FARP1: variants seen among roughly 807,000 people sequenced by gnomAD.
The protein encoded by FARP1 is FERM, ARH/RhoGEF and pleckstrin domain protein 1.
In FARP1, 52 loss-of-function variants were observed where a neutral mutation model predicts 128.8. That is an observed-to-expected ratio of 0.40 (90% CI 0.32 to 0.51). The LOEUF is 0.51. Ranked by LOEUF, FARP1 falls within the 20% of genes least tolerant of loss-of-function variation. The pLI, the probability that FARP1 is intolerant of heterozygous loss-of-function variation, is 0.45. For missense variants in FARP1, 1,333 were observed against 1,367.9 expected (o/e 0.97, Z 0.40); for synonymous variants, 580 against 551.8 (o/e 1.05, Z -0.72).
At chr13:98,430,490 C>G (rs1891968995) in intron 17 of FARP1, among the ~76,000 whole-genome samples, 2 of 152,226 alleles carry the variant, frequency 1.3e-5, no homozygotes, top group African/African-American at 4.8e-5. Context: ...TACTCTGTCC[C>G]CATCCCCACC....
intron 2 of FARP1, among the ~76,000 whole-genome samples, chr13:98,273,944 A>G (rs998562797): frequency 6.6e-6 from 1 of 152,192 alleles, no homozygotes; most frequent in Non-Finnish European, 1.5e-5. Flanking sequence ...AGACTTAGCC[A>G]CTTATAATCA....
chr13:98,412,227 T>C (rs1891219605), intron 16 of FARP1, among the ~76,000 whole-genome samples, 193 bp downstream of exon 16: 1 of 152,214 alleles, frequency 6.6e-6, no homozygotes, highest in African/African-American at 2.4e-5. Flanking sequence ...TTCTTTCCTC[T>C]GGTTTGCAGT....
At chr13:98,252,300 T>G (rs1883373758) in intron 2 of FARP1, among the ~76,000 whole-genome samples, 1 of 152,236 alleles carries the variant, frequency 6.6e-6, no homozygotes, top group South Asian at 2.1e-4. Flanking sequence ...GTGAGACTCA[T>G]AAGACTAAAA....
intron 1 of FARP1, among the ~76,000 whole-genome samples, chr13:98,185,571 C>G (rs191901414): frequency 6.6e-6 from 1 of 151,976 alleles, no homozygotes; most frequent in African/African-American, 2.4e-5. Context: ...TTTCTTGATA[C>G]CATTCCTGGG....
At chr13:98,354,143 C>G (rs771889736) in intron 3 of FARP1, among the ~76,000 whole-genome samples, 1 of 152,210 alleles carries the variant, frequency 6.6e-6, no homozygotes, top group Non-Finnish European at 1.5e-5. Flanking sequence ...TCACATATAT[C>G]TCTAATACCA....
intron 2 of FARP1, among the ~76,000 whole-genome samples, chr13:98,226,709 A>G (rs1486399702): frequency 6.6e-6 from 1 of 152,170 alleles, no homozygotes; most frequent in Non-Finnish European, 1.5e-5. Flanking sequence ...AATCACATGT[A>G]TGTGTACTTG....
At chr13:98,297,324 C>G (rs557651982) in intron 2 of FARP1, among the ~76,000 whole-genome samples, 1 of 152,332 alleles carries the variant, frequency 6.6e-6, no homozygotes, top group East Asian at 1.9e-4. Flanking sequence ...TGTGGACTTA[C>G]CTCTCTCGAA....
chr13:98,309,010 T>G (rs1886318660), intron 2 of FARP1, among the ~76,000 whole-genome samples: 4 of 151,812 alleles, frequency 2.6e-5, no homozygotes, highest in South Asian at 4.2e-4. Flanking sequence ...TATAAAATAT[T>G]AGACATAATA....
rs1257858230 is a variant in FARP1 at position 98,276,911 on chromosome 13, A to G, written c.171+63498A>G. ...GGAAGGTAAAAAGGGGAAGACCACA[A>G]TAGCTGTTCATATACAGGATTATTT... On this transcript the variant is annotated intron_variant, in intron 2 of 26. Coordinates refer to ENST00000319562, the MANE Select transcript of FARP1 (RefSeq NM_005766.4). 4.0e-5 allele frequency among the ~76,000 whole-genome samples: 6 copies of G among 151,094 alleles called. 1 individual carries two copies. The highest frequency in any genetic ancestry group is 2.1e-4 in the South Asian group (1 of 4,830).
chr13:98,352,638 G>A (rs1462088337), intron 3 of FARP1, among the ~76,000 whole-genome samples: 1 of 152,196 alleles, frequency 6.6e-6, no homozygotes. Context: ...ACATAAAAAT[G>A]AGTAACAAAA....
At chr13:98,437,671 T>C in intron 19 of FARP1, 2 of 675,420 alleles carry the variant, frequency 3.0e-6, no homozygotes, top group Non-Finnish European at 5.3e-6. Flanking sequence ...GATGGTGAGT[T>C]ATCTGTGCAG....
chr13:98,201,146 G>A (rs1879916553), intron 1 of FARP1, among the ~76,000 whole-genome samples: 1 of 152,208 alleles, frequency 6.6e-6, no homozygotes, highest in South Asian at 2.1e-4. Flanking sequence ...TGTTTTAGCA[G>A]GAAGAAACAG....
chr13:98,233,441 A>G (rs1051679297), intron 2 of FARP1, among the ~76,000 whole-genome samples: 1 of 152,160 alleles, frequency 6.6e-6, no homozygotes, highest in African/African-American at 2.4e-5. Flanking sequence ...TAGAAGTTAC[A>G]GGAGAGGGGA....
At chr13:98,399,265 A>G (rs751209547) in intron 13 of FARP1, 5 of 152,224 alleles carry the variant, frequency 3.3e-5, no homozygotes, top group Admixed American at 6.5e-5. Flanking sequence ...ATTCTATAAC[A>G]TTGGCCAAAG....
intron 13 of FARP1, chr13:98,396,498 A>G (rs1319796689): frequency 7.5e-6 from 3 of 398,542 alleles, no homozygotes; most frequent in Non-Finnish European, 1.3e-5. Context: ...TGAGGAGGCC[A>G]GGAGCCAAGT....
At chr13:98,447,857 AAAAG>A (rs1199892514) in intron 26 of FARP1, 5 of 212,790 alleles carry the variant, frequency 2.3e-5, no homozygotes, top group Non-Finnish European at 2.8e-5. Context: ...AAAAAAAAGA[AAAAG>A]AAAAAAGGAA....
At chr13:98,179,385 C>A (rs1878341640) in intron 1 of FARP1, among the ~76,000 whole-genome samples, 1 of 152,202 alleles carries the variant, frequency 6.6e-6, no homozygotes, top group South Asian at 2.1e-4. Context: ...AGCTACCATT[C>A]AAGATTTGGG....
At chr13:98,264,945 G>A (rs1039840891) in intron 2 of FARP1, among the ~76,000 whole-genome samples, 3 of 152,128 alleles carry the variant, frequency 2.0e-5, no homozygotes, top group Admixed American at 6.5e-5. Context: ...CCTCTGACAT[G>A]GTTACCGAAC....
chr13:98,152,188 C>A (rs544691659), intron 1 of FARP1, among the ~76,000 whole-genome samples: 1 of 152,144 alleles, frequency 6.6e-6, no homozygotes, highest in Non-Finnish European at 1.5e-5. Flanking sequence ...TGCTGCCCCT[C>A]GGCATGTTGA....
Sources: allele counts gnomAD v4.1 joint callset (sites outside exome capture counted in the v4.1 genomes callset), GRCh38; gene constraint gnomAD v4.1.1; transcripts MANE v1.5; gene names NCBI Gene and HGNC (gene_info 2026-07-23, HGNC 2026-07-21).